Variants in TMEM132C observed in about 807,000 individuals in gnomAD.
The protein encoded by TMEM132C is protein phosphatase 1, regulatory subunit 152.
TMEM132C carries 29 observed loss-of-function variants against 61.4 expected under a neutral mutation model. The ratio of observed to expected loss-of-function variants is 0.47; its 90% CI spans 0.35 to 0.64. The LOEUF (loss-of-function observed/expected upper bound fraction) is 0.64. Among genes scored for constraint, TMEM132C ranks in the 30% least tolerant of loss-of-function variants. The pLI is 0.00. For synonymous variants in TMEM132C, 656 were observed against 633.1 expected (o/e 1.04, Z -0.54); for missense variants, 1,408 against 1,476.9 (o/e 0.95, Z 0.76).
intron 3 of TMEM132C, among the ~76,000 whole-genome samples, chr12:128,613,523 C>T (rs1876704529): frequency 6.6e-6 from 1 of 152,172 alleles, no homozygotes; most frequent in South Asian, 2.1e-4. Flanking sequence ...AGACATCTCT[C>T]CCTCATTTTT....
At position 128,291,363 on chromosome 12, in the gene TMEM132C, CT is replaced by C. The variant is rs1871241809; in HGVS notation, c.85+23877del. ...TAGATGCCAGCAGCATCCAGCCTCGCTGATGACAACCAAAACATCTCCATAC... is the reference window on the plus strand; with the variant it reads ...TAGATGCCAGCAGCATCCAGCCTCGCGATGACAACCAAAACATCTCCATAC... On this transcript the variant is annotated intron_variant, in intron 1 of 8. Transcript: ENST00000435159. Among the ~76,000 whole-genome samples the C allele has an allele frequency of 2.0e-5, 3 of 152,346 alleles. No individual in the cohort carries two copies. In the South Asian group the frequency reaches 6.2e-4, roughly 32 times the overall value.
At chr12:128,357,425 G>A (rs989137252) in intron 1 of TMEM132C, among the ~76,000 whole-genome samples, 1 of 152,160 alleles carries the variant, frequency 6.6e-6, no homozygotes, top group African/African-American at 2.4e-5. Flanking sequence ...GGCCGGGCAC[G>A]GTGGCTCATG....
At chr12:128,332,780 G>A (rs948344799) in intron 1 of TMEM132C, among the ~76,000 whole-genome samples, 8 of 152,208 alleles carry the variant, frequency 5.3e-5, no homozygotes, top group Admixed American at 5.2e-4. Flanking sequence ...TTTTCCTCTA[G>A]AAAGGGAATC....
At chr12:128,542,873 A>AC (rs1873809011) in intron 2 of TMEM132C, among the ~76,000 whole-genome samples, 1 of 151,640 alleles carries the variant, frequency 6.6e-6, no homozygotes. Context: ...AAAAAAAAAA[A>AC]AAAAAAAAAT....
At chr12:128,465,332 G>A (rs1870694364) in intron 2 of TMEM132C, among the ~76,000 whole-genome samples, 1 of 151,848 alleles carries the variant, frequency 6.6e-6, no homozygotes, top group Admixed American at 6.6e-5. Context: ...CCGAGTAGCT[G>A]GGATTAAAGA....
chr12:128,415,833 C>A lies in TMEM132C; in HGVS notation c.974+213C>A, dbSNP rs1160452662. Among the ~76,000 whole-genome samples the A allele has an allele frequency of 3.3e-5, 5 of 152,134 alleles. No individual in the cohort carries two copies. The highest frequency in any genetic ancestry group is 7.4e-5 in the Non-Finnish European group (5 of 68,018). ...TATGGAGGGAAGAAGAGGCAAAGGG[C>A]GGGCAGAAATTATTTCCAAAAGGAG... On this transcript the variant is annotated intron_variant, in intron 2 of 8. Coordinates refer to ENST00000435159, the MANE Select transcript of TMEM132C (RefSeq NM_001136103.3). This position sits in a 1 kb window ranked among gnomAD's most constrained non-coding sequence, Gnocchi z 5.8.
intron 3 of TMEM132C, among the ~76,000 whole-genome samples, chr12:128,547,065 T>A (rs1490128705): frequency 6.6e-6 from 1 of 152,180 alleles, no homozygotes; most frequent in African/African-American, 2.4e-5. Flanking sequence ...GCTTTCTTGG[T>A]AGCCGAGGAG....
intron 2 of TMEM132C, among the ~76,000 whole-genome samples, chr12:128,540,995 C>T (rs1873722483): frequency 7.3e-6 from 1 of 137,692 alleles, no homozygotes; most frequent in South Asian, 2.5e-4. Context: ...CTGTATGTCT[C>T]TGTCTGTCTG....
chr12:128,473,119 C>T (rs1415615377), intron 2 of TMEM132C, among the ~76,000 whole-genome samples: 1 of 150,528 alleles, frequency 6.6e-6, no homozygotes, highest in East Asian at 1.9e-4. Flanking sequence ...CATCTTCACT[C>T]CAGCCTCCAT....
intron 2 of TMEM132C, among the ~76,000 whole-genome samples, chr12:128,423,910 G>C (rs1318509977): frequency 6.6e-6 from 1 of 151,684 alleles, no homozygotes; most frequent in African/African-American, 2.4e-5. Flanking sequence ...GCTGGGCGTG[G>C]TGGCAGGTAC....
At chr12:128,372,903 T>C (rs1424765798) in intron 1 of TMEM132C, among the ~76,000 whole-genome samples, 1 of 152,210 alleles carries the variant, frequency 6.6e-6, no homozygotes, top group Non-Finnish European at 1.5e-5. Flanking sequence ...GTTGAGCCAC[T>C]CCATAGTGGA....
intron 1 of TMEM132C, among the ~76,000 whole-genome samples, chr12:128,279,033 C>T (rs1199711145): frequency 2.0e-5 from 3 of 152,112 alleles, no homozygotes; most frequent in African/African-American, 7.2e-5. Flanking sequence ...ATTGCATGAG[C>T]CAATACCTTA....
Position 128,481,528 on chromosome 12 carries a change from C to T in TMEM132C, c.975-62429C>T, listed in dbSNP as rs543303380. Among the ~76,000 whole-genome samples the T allele has an allele frequency of 9.8e-5, 15 of 152,352 alleles. 2 individuals carry two copies. In the South Asian group the frequency reaches 1.2e-3, roughly 13 times the overall value. On this transcript the variant is annotated intron_variant, in intron 2 of 8. Coordinates refer to ENST00000435159, the MANE Select transcript of TMEM132C (RefSeq NM_001136103.3). Reference sequence around the variant, plus strand: ...AGAATCTGCCTCATCGCCATAAGCACGCTTGTTACCCCCTGCCGTGCGGAT... The same window carrying T: ...AGAATCTGCCTCATCGCCATAAGCATGCTTGTTACCCCCTGCCGTGCGGAT...
At chr12:128,526,101 A>T (rs1295424787) in intron 2 of TMEM132C, among the ~76,000 whole-genome samples, 1 of 152,184 alleles carries the variant, frequency 6.6e-6, no homozygotes, top group Non-Finnish European at 1.5e-5. Context: ...GTAAATAGTT[A>T]TTGAAATTAA....
chr12:128,288,297 A>G (rs1871139074), intron 1 of TMEM132C: 1 of 152,206 alleles, frequency 6.6e-6, no homozygotes, highest in Admixed American at 6.6e-5. Flanking sequence ...ACCTCAGGTA[A>G]TCCGCCTGCC....
At chr12:128,667,190 TTAGG>T (rs955361067) in intron 4 of TMEM132C, among the ~76,000 whole-genome samples, 14 of 152,056 alleles carry the variant, frequency 9.2e-5, no homozygotes, top group African/African-American at 3.4e-4. Context: ...ACAGGGAGTG[TTAGG>T]TAGAGTGTGT....
chr12:128,316,145 T>TAA (rs1872144470), intron 1 of TMEM132C, among the ~76,000 whole-genome samples: 1 of 152,008 alleles, frequency 6.6e-6, no homozygotes, highest in African/African-American at 2.4e-5. Context: ...TTTGGTTTCT[T>TAA]ACATAGCGTA....
At chr12:128,633,935 A>G (rs2135595367) in intron 4 of TMEM132C, among the ~76,000 whole-genome samples, 2 of 152,384 alleles carry the variant, frequency 1.3e-5, no homozygotes, top group East Asian at 3.8e-4. Context: ...GCAGCTTCAT[A>G]TACAAAATTG....
At chr12:128,274,712 C>A (rs1870627434) in intron 1 of TMEM132C, among the ~76,000 whole-genome samples, 1 of 152,108 alleles carries the variant, frequency 6.6e-6, no homozygotes, top group South Asian at 2.1e-4. Flanking sequence ...GTTTTAGATT[C>A]CAGGGTGAAA....
Sources: allele counts gnomAD v4.1 joint callset (sites outside exome capture counted in the v4.1 genomes callset), GRCh38; gene constraint gnomAD v4.1.1; non-coding constraint Gnocchi (gnomAD v3.1); transcripts MANE v1.5; gene names NCBI Gene and HGNC (gene_info 2026-07-23, HGNC 2026-07-21).